The following UBE2D2 variants were observed in gnomAD, a reference collection of about 807,000 sequenced individuals.
The protein encoded by UBE2D2 is ubiquitin-conjugating enzyme E2 D2.
A neutral mutation model predicts 24.2 loss-of-function variants in UBE2D2; 2 were observed. That is an observed-to-expected ratio of 0.08 (90% CI 0.03 to 0.26). The LOEUF (loss-of-function observed/expected upper bound fraction) is 0.26, where lower values mean the gene tolerates loss of function less well. Ranked by LOEUF, UBE2D2 falls within the 10% of genes least tolerant of loss-of-function variation. The pLI, the probability that UBE2D2 is intolerant of heterozygous loss-of-function variation, is 1.00. For synonymous variants in UBE2D2, 58 were observed against 56.5 expected (o/e 1.03, Z -0.12); for missense variants, 44 against 177.6 (o/e 0.25, Z 4.28).
chr5:139,554,913 G>A (rs1752961172), intron 1 of UBE2D2: 1 of 152,106 alleles, frequency 6.6e-6, no homozygotes, highest in Admixed American at 6.6e-5. Flanking sequence ...AGGCTAGTCA[G>A]GTGAAGCAGT....
At chr5:139,625,111 A>G (rs141454305) in intron 6 of UBE2D2, among the ~76,000 whole-genome samples, 35 of 146,706 alleles carry the variant, frequency 2.4e-4, no homozygotes, top group African/African-American at 8.9e-4. Flanking sequence ...AGACTGGAGT[A>G]CAGTGGCACA....
chr5:139,559,425 CAA>C (rs113176227), upstream of UBE2D2, among the ~76,000 whole-genome samples: 459 of 108,406 alleles, frequency 4.2e-3, 3 homozygotes, highest in African/African-American at 0.012. Context: ...GACTCCGTCT[CAA>C]AAAAAAAAAA....
intron 1 of UBE2D2, among the ~76,000 whole-genome samples, chr5:139,578,729 A>T (rs901083148): frequency 1.3e-5 from 2 of 152,138 alleles, no homozygotes; most frequent in East Asian, 3.8e-4. Context: ...CTGGAATTAC[A>T]GACAGCCACC....
upstream of UBE2D2, among the ~76,000 whole-genome samples, chr5:139,556,687 C>T (rs983215134): frequency 7.2e-5 from 11 of 151,990 alleles, no homozygotes; most frequent in Admixed American, 2.0e-4. Context: ...GGCAGTTTTG[C>T]CCATTAACCT....
chr5:139,533,295 G>C (rs1165537551), intron 1 of UBE2D2, among the ~76,000 whole-genome samples: 1 of 151,750 alleles, frequency 6.6e-6, no homozygotes, highest in African/African-American at 2.4e-5. Flanking sequence ...TCATTGAATT[G>C]TACACCTAAA....
chr5:139,600,769 T>C (rs1428150661), intron 2 of UBE2D2, among the ~76,000 whole-genome samples: 1 of 152,190 alleles, frequency 6.6e-6, no homozygotes, highest in Non-Finnish European at 1.5e-5. Flanking sequence ...TGTGTCTGAC[T>C]TTCTACTGAC....
intron 5 of UBE2D2, among the ~76,000 whole-genome samples, chr5:139,620,313 C>G (rs1190863444): frequency 6.6e-6 from 1 of 152,176 alleles, no homozygotes; most frequent in Non-Finnish European, 1.5e-5. Flanking sequence ...AGCCAGTACT[C>G]TCCTTTCCTG....
At chr5:139,543,503 G>A (rs1752784002) in intron 1 of UBE2D2, among the ~76,000 whole-genome samples, 1 of 152,210 alleles carries the variant, frequency 6.6e-6, no homozygotes, top group Admixed American at 6.5e-5. Flanking sequence ...GAAGGGCGCT[G>A]TTCTGGTTGG....
intron 1 of UBE2D2, among the ~76,000 whole-genome samples, chr5:139,585,555 T>C (rs899541435): frequency 6.6e-6 from 1 of 152,056 alleles, no homozygotes; most frequent in Non-Finnish European, 1.5e-5. Context: ...CTGCCGCTAT[T>C]GGTGATTGGG....
At chr5:139,550,661 G>C (rs1037942822) in intron 1 of UBE2D2, among the ~76,000 whole-genome samples, 1 of 151,724 alleles carries the variant, frequency 6.6e-6, no homozygotes, top group African/African-American at 2.4e-5. Flanking sequence ...AACACTCTTC[G>C]TGAAGCTCTG....
chr5:139,585,668 A>C (rs1232135580), intron 1 of UBE2D2, among the ~76,000 whole-genome samples: 1 of 152,146 alleles, frequency 6.6e-6, no homozygotes, highest in Non-Finnish European at 1.5e-5. Context: ...CCACTCAGAC[A>C]TTTGAGTGCC....
At chr5:139,552,590 C>T (rs1446021959) in intron 1 of UBE2D2, among the ~76,000 whole-genome samples, 2 of 149,356 alleles carry the variant, frequency 1.3e-5, no homozygotes, top group African/African-American at 4.9e-5. Flanking sequence ...CTCACGGCAA[C>T]CTCCGCCTCC....
At chr5:139,610,574 GA>G (rs1381340439) in intron 2 of UBE2D2, among the ~76,000 whole-genome samples, 3 of 148,900 alleles carry the variant, frequency 2.0e-5, no homozygotes, top group Non-Finnish European at 3.0e-5. Flanking sequence ...TGCTTGATAT[GA>G]AAAAAATCCA....
At chr5:139,581,419 A>G (rs1411867915) in intron 1 of UBE2D2, among the ~76,000 whole-genome samples, 3 of 152,070 alleles carry the variant, frequency 2.0e-5, no homozygotes, top group Non-Finnish European at 4.4e-5. Context: ...ACTGCACTCT[A>G]GCCTGGGTGA....
At chr5:139,580,045 C>CAAAAA (rs199662706) in intron 1 of UBE2D2, among the ~76,000 whole-genome samples, 8,274 of 116,508 alleles carry the variant, frequency 0.071, 267 homozygotes, top group South Asian at 0.11. Context: ...GACTCCCTCT[C>CAAAAA]AAAAAAAAAA....
At chr5:139,561,907 C>A (rs934371501) in intron 1 of UBE2D2, 92 bp downstream of exon 1, 2 of 1,418,952 alleles carry the variant, frequency 1.4e-6, no homozygotes, top group East Asian at 2.7e-5. Flanking sequence ...TCGCGGCCTC[C>A]TTGGATCTTG....
upstream of UBE2D2, among the ~76,000 whole-genome samples, chr5:139,556,365 T>C (rs908652436): frequency 1.3e-5 from 2 of 152,044 alleles, no homozygotes; most frequent in African/African-American, 4.8e-5. Flanking sequence ...CTGAGATCTC[T>C]GCCACTGTAC....
At chr5:139,545,512 C>T (rs62385329) in intron 1 of UBE2D2, among the ~76,000 whole-genome samples, 9,522 of 151,618 alleles carry the variant, frequency 0.063, 398 homozygotes, top group Middle Eastern at 0.14. Context: ...CTGCAACTTC[C>T]GCCTCCCGGG....
intron 1 of UBE2D2, among the ~76,000 whole-genome samples, chr5:139,592,905 A>G (rs1455771547): frequency 1.4e-5 from 2 of 147,126 alleles, no homozygotes; most frequent in African/African-American, 2.5e-5. Flanking sequence ...GCTTGGCTGC[A>G]TTTCAGTAAT....
Sources: gnomAD v4.1 joint callset for allele counts (sites outside exome capture counted in the v4.1 genomes callset) on GRCh38, gnomAD v4.1.1 for gene constraint, MANE v1.5 for transcripts, NCBI Gene and HGNC (gene_info 2026-07-23, HGNC 2026-07-21) for gene names.